The following ADGRF5 variants were observed in gnomAD, a reference collection of about 807,000 sequenced individuals.
The protein encoded by ADGRF5 is G-protein coupled receptor 116.
A neutral mutation model predicts 132.3 loss-of-function variants in ADGRF5; 75 were observed. The observed-to-expected ratio is 0.57, with a 90% CI of 0.47 to 0.69. The LOEUF is 0.69. Among genes scored for constraint, ADGRF5 ranks in the 30% least tolerant of loss-of-function variants. The pLI is 0.00. For synonymous variants in ADGRF5, 629 were observed against 597.6 expected (o/e 1.05, Z -0.77); for missense variants, 1,516 against 1,630.6 (o/e 0.93, Z 1.21).
rs149197213 is a variant in ADGRF5 at position 46,883,597 on chromosome 6, C to T, written c.574G>A (p.Ala192Thr). Residue 192 changes from alanine to threonine, a missense_variant, in exon 6 of 21, where the codon GCC becomes ACC. Transcript: ENST00000283296. ...FQEDLMNTSS[A>T]LYRSYKTDLE... Reference sequence around the variant, plus strand: ...TCGGTCTTGTAGGACCTATAGAGGGCGGAGGAAGTGTTCATGAGGTCTTCT... The same window carrying T: ...TCGGTCTTGTAGGACCTATAGAGGGTGGAGGAAGTGTTCATGAGGTCTTCT... The T allele has an allele frequency of 1.1e-3, 1,711 of 1,608,618 alleles. 2 individuals carry two copies. The highest frequency in any genetic ancestry group is 1.4e-3 in the Non-Finnish European group (1,626 of 1,177,776).
intron 1 of ADGRF5, among the ~76,000 whole-genome samples, chr6:46,951,390 G>C (rs1471484898): frequency 6.6e-6 from 1 of 152,206 alleles, no homozygotes; most frequent in African/African-American, 2.4e-5. Flanking sequence ...GCCTAAACCT[G>C]CTGGCTGTGT....
intron 10 of ADGRF5, among the ~76,000 whole-genome samples, chr6:46,875,109 G>A (rs1771499860): frequency 6.6e-6 from 1 of 152,170 alleles, no homozygotes; most frequent in Non-Finnish European, 1.5e-5. Context: ...AAACACAGAA[G>A]CAGCAGCATG....
At chr6:46,879,133 T>C (rs1772157901) in intron 9 of ADGRF5, among the ~76,000 whole-genome samples, 2 of 151,952 alleles carry the variant, frequency 1.3e-5, no homozygotes, top group Non-Finnish European at 2.9e-5. Flanking sequence ...AACAAAGCTA[T>C]TTTAAATTTT....
At chr6:46,895,576 C>A (rs1402711823) in intron 3 of ADGRF5, among the ~76,000 whole-genome samples, 1 of 150,430 alleles carries the variant, frequency 6.6e-6, no homozygotes, top group Non-Finnish European at 1.5e-5. Flanking sequence ...TGGGAGGAAC[C>A]TTACTCTGAC....
In ADGRF5 at chr6:46,920,446, G is replaced by A. The variant is rs531549333; in HGVS notation, c.-25+1267C>T. The stretch of plus-strand genomic sequence containing the variant: ...AGAATTTATTGTACTCCTGTGCCCC[G>A]GCTTGTCCTATAGAGCTCAGAAGAA... On this transcript the variant is annotated intron_variant, in intron 1 of 20. Transcript: ENST00000283296. Among the ~76,000 whole-genome samples, 6 of 145,988 alleles carry A rather than the reference G, an allele frequency of 4.1e-5. No individual in the cohort carries two copies. In the South Asian group the frequency reaches 1.1e-3, roughly 26 times the overall value.
intron 1 of ADGRF5, among the ~76,000 whole-genome samples, chr6:46,921,426 GA>G (rs11435646): frequency 1.5e-4 from 23 of 148,842 alleles, no homozygotes; most frequent in East Asian, 5.9e-4. Context: ...GAACTTGTTT[GA>G]AAAAAAAAAA....
chr6:46,869,653 C>T (rs1928274), intron 11 of ADGRF5, among the ~76,000 whole-genome samples: 38,643 of 152,018 alleles, frequency 0.25, 5,409 homozygotes, highest in East Asian at 0.38. Flanking sequence ...ACAGTCAATG[C>T]TTAATAAGTG....
chr6:46,900,068 C>T lies in ADGRF5; in HGVS notation c.118G>A (p.Glu40Lys). ...CTCAGTGCCTCTTCACCAGCTGGTT[C>T]ATGTTCATGAAGACTCTGAAAAGAA... The part of the protein sequence containing the change: ...TIHPLSLHEH[E>K]PAGEEALRQK... Residue 40 changes from glutamate to lysine, a missense_variant, in exon 3 of 21, where the codon GAA (glutamate) becomes AAA (lysine). Around this residue, in one of 2 missense-constraint regions of ADGRF5, gnomAD observed 945 missense variants for 929.4 expected, o/e 1.02. Transcript: ENST00000283296. 6.2e-7 allele frequency: 1 copy of T among 1,612,624 alleles called. No individual in the cohort carries two copies. Among genetic ancestry groups the T allele is most frequent in the Non-Finnish European group, 8.5e-7 (1 of 1,178,674 alleles).
upstream of ADGRF5, among the ~76,000 whole-genome samples, chr6:46,925,704 C>A (rs1047413627): frequency 3.9e-4 from 59 of 152,196 alleles, no homozygotes; most frequent in African/African-American, 1.3e-3. Context: ...TTGCTGTGAG[C>A]CAAGATTGCG....
intron 1 of ADGRF5, among the ~76,000 whole-genome samples, chr6:46,939,109 TC>T (rs2150941808): frequency 6.6e-6 from 1 of 152,098 alleles, no homozygotes; most frequent in South Asian, 2.1e-4. Context: ...GACCTCGTGA[TC>T]CCCCCAGCCT....
chr6:46,869,740 G>A (rs998669479), intron 11 of ADGRF5, among the ~76,000 whole-genome samples: 3 of 152,140 alleles, frequency 2.0e-5, no homozygotes, highest in Non-Finnish European at 4.4e-5. Context: ...TGGTTTAAAA[G>A]TAATGGCTAA....
chr6:46,899,665 T>A (rs78155916), intron 3 of ADGRF5, among the ~76,000 whole-genome samples: 1 of 151,170 alleles, frequency 6.6e-6, no homozygotes, highest in South Asian at 2.1e-4. Flanking sequence ...AGTTTTTTTT[T>A]TTGTTTGTTT....
chr6:46,936,224 A>G (rs889072226), intron 1 of ADGRF5, among the ~76,000 whole-genome samples: 1 of 152,138 alleles, frequency 6.6e-6, no homozygotes, highest in Admixed American at 6.5e-5. Flanking sequence ...GAGCTGCCCC[A>G]TGCCCAAGGC....
chr6:46,863,054 T>A lies in ADGRF5; in HGVS notation c.2033A>T (p.Glu678Val). 3.7e-6 allele frequency: 6 copies of A among 1,614,056 alleles called. No homozygotes were observed. Among genetic ancestry groups the A allele is most frequent in the Non-Finnish European group, 5.1e-6 (6 of 1,179,966 alleles). The change falls in exon 15 of 21, where the codon GAG (glutamate) becomes GTG (valine). Residue 678 changes from glutamate (E) to valine (V), a missense_variant. Coordinates refer to ENST00000283296, the MANE Select transcript of ADGRF5 (RefSeq NM_001098518.2). The part of the protein sequence containing the change: ...TCQDPVIGVG[E>V]PGKVIQKLCR... ...TAGCTTCTGGATGACTTTCCCCGGC[T>A]CTCCGACACCTATTACGGGATCCTG...
intron 10 of ADGRF5, among the ~76,000 whole-genome samples, chr6:46,872,844 GAA>G (rs1771234863): frequency 6.6e-6 from 1 of 152,088 alleles, no homozygotes; most frequent in Non-Finnish European, 1.5e-5. Context: ...GAAAATGAAG[GAA>G]AAAGAATAAG....
rs1468958113 is a variant in ADGRF5 at position 46,852,862 on chromosome 6, G to T, written c.*1130C>A. Reference sequence around the variant, plus strand: ...AAGATGGAAACAGAGAATACATAGGGAGCTATGCAACACACCAAGGGCCAG... The same window carrying T: ...AAGATGGAAACAGAGAATACATAGGTAGCTATGCAACACACCAAGGGCCAG... On this transcript the variant is annotated 3_prime_UTR_variant, in exon 21 of 21. Transcript: ENST00000283296. 1.3e-5 allele frequency: 2 copies of T among 152,428 alleles called. No homozygotes were observed. The highest frequency in any genetic ancestry group is 3.9e-4 in the East Asian group (2 of 5,192). The allele number at this position is 152,428 out of a possible 1,614,324, so 9.4% of individuals were successfully genotyped here. A position where few individuals can be genotyped will look rare whatever the true frequency, so the allele number is the denominator to read the frequency against.
chr6:46,852,686 A>G lies in ADGRF5; in HGVS notation c.*1306T>C, dbSNP rs1007869750. On this transcript the variant is annotated 3_prime_UTR_variant, in exon 21 of 21. Transcript: ENST00000283296. ...TTCACAAACAATCAAATCCTTGGGA[A>G]AGGCTCTGCCATTTGTTCAACAAGG... 4.6e-5 allele frequency: 7 copies of G among 152,264 alleles called. No homozygotes were observed. Among genetic ancestry groups the G allele is most frequent in the Admixed American group, 4.6e-4 (7 of 15,292 alleles). The allele number at this position is 152,264 out of a possible 1,614,324, so 9.4% of individuals were successfully genotyped here. A position where few individuals can be genotyped will look rare whatever the true frequency, so the allele number is the denominator to read the frequency against.
intron 1 of ADGRF5, among the ~76,000 whole-genome samples, chr6:46,935,218 T>C (rs1420141199): frequency 6.6e-6 from 1 of 152,070 alleles, no homozygotes; most frequent in Non-Finnish European, 1.5e-5. Context: ...TTAGCCAGGA[T>C]GGTCTCGATC....
chr6:46,931,975 A>T (rs1185220606), intron 1 of ADGRF5, among the ~76,000 whole-genome samples: 5 of 152,192 alleles, frequency 3.3e-5, no homozygotes. Context: ...TTTTTGCCAT[A>T]AACCTCTTTG....
Sources: allele counts gnomAD v4.1 joint callset (sites outside exome capture counted in the v4.1 genomes callset), GRCh38; gene constraint gnomAD v4.1.1; regional missense constraint gnomAD v4.1.1; transcripts MANE v1.5; gene names NCBI Gene and HGNC (gene_info 2026-07-23, HGNC 2026-07-21).